NFIC: variants seen among roughly 807,000 people sequenced by gnomAD.
NFIC encodes nuclear factor 1 C-type.
A neutral mutation model predicts 54.4 loss-of-function variants in NFIC; 12 were observed. That is an observed-to-expected ratio of 0.22 (90% CI 0.14 to 0.36). The LOEUF (loss-of-function observed/expected upper bound fraction) is 0.36. Among genes scored for constraint, NFIC ranks in the 10% least tolerant of loss-of-function variants. The pLI is 1.00. For synonymous variants in NFIC, 322 were observed against 319.2 expected (o/e 1.01, Z -0.09); for missense variants, 575 against 718.2 (o/e 0.80, Z 2.28).
Position 3,453,765 on chromosome 19 carries a change from A to G in NFIC, c.1272A>G (p.Leu424=), listed in dbSNP as rs1418894939. 1.9e-6 allele frequency: 3 copies of G among 1,600,798 alleles called. No individual in the cohort carries two copies. The highest frequency in any genetic ancestry group is 1.1e-5 in the South Asian group (1 of 89,284). The stretch of plus-strand genomic sequence containing the variant: ...CACGTGTCTCTCTGTTCCCCCAGTT[A>G]AATGGAAGTGGTCAGCTCAAAATGC... ...CDPASQQPGP[L]NGSGQLKMPS... The change falls in exon 9 of 11, where the codon TTA becomes TTG. Residue 424 remains leucine, a splice_region_variant and synonymous_variant. Coordinates refer to ENST00000443272, the MANE Select transcript of NFIC (RefSeq NM_001245002.2). This position sits in a 1 kb window ranked among gnomAD's most constrained non-coding sequence, Gnocchi z 6.7.
intron 6 of NFIC, among the ~76,000 whole-genome samples, chr19:3,439,720 G>A (rs1436097779): frequency 8.0e-6 from 1 of 125,104 alleles, no homozygotes. Context: ...TCAGAGTCTT[G>A]CTCTGTCGCC....
chr19:3,391,518 C>T (rs2081376618), intron 2 of NFIC, among the ~76,000 whole-genome samples: 3 of 151,898 alleles, frequency 2.0e-5, no homozygotes, highest in Non-Finnish European at 4.4e-5. Flanking sequence ...AGTCGTAGGC[C>T]AGGCGCGGTG....
At chr19:3,391,805 A>T (rs1418115371) in intron 2 of NFIC, among the ~76,000 whole-genome samples, 1 of 152,190 alleles carries the variant, frequency 6.6e-6, no homozygotes. Flanking sequence ...TCAAAAAAAA[A>T]TGTTATATAT....
intron 1 of NFIC, among the ~76,000 whole-genome samples, chr19:3,379,910 G>A (rs1168410914): frequency 2.0e-5 from 3 of 151,776 alleles, no homozygotes; most frequent in Non-Finnish European, 2.9e-5. Flanking sequence ...TTGAACTCCT[G>A]GGCTCAAGCA....
In NFIC at chr19:3,453,675, C is replaced by T. The variant is rs1274767679; in HGVS notation, c.1270-88C>T. 2 of 1,492,092 alleles carry T rather than the reference C, an allele frequency of 1.3e-6. No individual in the cohort carries two copies. The highest frequency in any genetic ancestry group is 2.7e-5 in the East Asian group (1 of 37,302). The allele number at this position is 1,492,092 out of a possible 1,614,324, so 92.4% of individuals were successfully genotyped here. ...CCCCAGCCTGCCACCCCGTCCGGGC[C>T]GTGCACAGAGCCGGGGGCGGCCGGC... On this transcript the variant is annotated intron_variant, in intron 8 of 10. Transcript: ENST00000443272. The surrounding 1 kb of genome is among the most constrained non-coding windows in gnomAD (Gnocchi z 6.7).
At position 3,369,114 on chromosome 19, in the gene NFIC, T is replaced by C. The variant is rs1403394230; in HGVS notation, c.30+2448T>C. On this transcript the variant is annotated intron_variant, in intron 1 of 10. Transcript: ENST00000443272. The surrounding 1 kb of genome is among the most constrained non-coding windows in gnomAD (Gnocchi z 4.3). ...TCTATCTCACCATCCCTTTCTCCTC[T>C]TTGTCTCTGCATGTCTCTTTGATGT... 3.9e-5 allele frequency among the ~76,000 whole-genome samples: 6 copies of C among 151,982 alleles called. No homozygotes were observed.
chr19:3,409,560 C>T (rs539501921), intron 2 of NFIC, among the ~76,000 whole-genome samples: 2 of 152,276 alleles, frequency 1.3e-5, no homozygotes, highest in Admixed American at 1.3e-4. Context: ...TCCGTGAGTG[C>T]CGGGTGTGCG....
chr19:3,380,161 C>T (rs527857708), intron 1 of NFIC, among the ~76,000 whole-genome samples: 23 of 148,342 alleles, frequency 1.6e-4, no homozygotes, highest in East Asian at 6.1e-4. Flanking sequence ...ACACCACGCC[C>T]GGCTAATTTT....
At chr19:3,385,282 C>T (rs1009451896) in intron 2 of NFIC, among the ~76,000 whole-genome samples, 1 of 151,842 alleles carries the variant, frequency 6.6e-6, no homozygotes, top group East Asian at 1.9e-4. Context: ...GACTCCAACC[C>T]CAGCTCAGCT....
intron 6 of NFIC, among the ~76,000 whole-genome samples, chr19:3,445,159 G>A (rs2082356088): frequency 6.8e-6 from 1 of 148,124 alleles, no homozygotes; most frequent in African/African-American, 2.6e-5. Flanking sequence ...ATGCGTGCAG[G>A]CATACACACA....
chr19:3,464,547 C>A lies in NFIC; in HGVS notation c.*1778C>A. On this transcript the variant is annotated 3_prime_UTR_variant, in exon 11 of 11. Transcript: ENST00000443272. ...CCCGGCCCACCCAGCCCAGCCCCAACTGACCTCCATGCCTAGGGAAAAACT... is the reference window on the plus strand; with the variant it reads ...CCCGGCCCACCCAGCCCAGCCCCAAATGACCTCCATGCCTAGGGAAAAACT... The A allele has an allele frequency of 1.1e-6, 1 of 951,616 alleles. No homozygotes were observed. 58.9% of individuals were successfully genotyped at this position (951,616 alleles called of 1,614,324 possible).
Position 3,416,047 on chromosome 19 carries a change from C to T in NFIC, c.563-9059C>T, listed in dbSNP as rs187411821. 2.6e-4 allele frequency among the ~76,000 whole-genome samples: 39 copies of T among 151,602 alleles called. 1 individual carries two copies. In the East Asian group the frequency reaches 6.2e-3, roughly 24 times the overall value. On this transcript the variant is annotated intron_variant, in intron 2 of 10. Coordinates refer to ENST00000443272, the MANE Select transcript of NFIC (RefSeq NM_001245002.2). ...ATGTAGGGCCACAAGCCTGTAGCCC[C>T]GGCTACTTGGGAAAAGAAGGCAAGA...
chr19:3,360,736 C>G (rs567810189), intron 1 of NFIC, among the ~76,000 whole-genome samples: 1 of 152,222 alleles, frequency 6.6e-6, no homozygotes, highest in Non-Finnish European at 1.5e-5. Context: ...CGACTGTGCG[C>G]GCGTCCCTGC....
rs556550174 is a variant in NFIC at position 3,425,348 on chromosome 19, G to A, written c.634+171G>A. On this transcript the variant is annotated intron_variant, in intron 3 of 10. Coordinates refer to ENST00000443272, the MANE Select transcript of NFIC (RefSeq NM_001245002.2). ...ACCAGGGAGCTGGGTTGGAACCCAC[G>A]ACTCTGAGCTCCCAGCTTCTGGGCT... Among the ~76,000 whole-genome samples, 16 of 152,354 alleles carry A rather than the reference G, an allele frequency of 1.1e-4. No homozygotes were observed. The South Asian group carries it at 2.7e-3, about 26-fold the overall frequency.
intron 6 of NFIC, among the ~76,000 whole-genome samples, chr19:3,441,208 G>A (rs536141189): frequency 3.9e-5 from 6 of 152,328 alleles, no homozygotes; most frequent in African/African-American, 1.2e-4. Context: ...AAACCCTGAG[G>A]CTCAAAGAGG....
In NFIC at chr19:3,434,321, C is replaced by T; in HGVS notation, c.754C>T (p.Leu252=). The T allele has an allele frequency of 1.9e-6, 3 of 1,613,342 alleles. No homozygotes were observed. Among genetic ancestry groups the T allele is most frequent in the Non-Finnish European group, 2.5e-6 (3 of 1,179,928 alleles). ...GTGPNFSLGE[L]QGHLAYDLNP... is the part of the protein sequence containing the mutation. ...AGGACCCAACTTCTCCCTGGGGGAG[C>T]TGCAGGGGCACCTGGCATACGACCT... is the stretch of plus-strand genomic sequence containing the variant. Residue 252 remains leucine, a synonymous_variant, in exon 5 of 11, where the codon CTG becomes TTG. Coordinates refer to ENST00000443272, the MANE Select transcript of NFIC (RefSeq NM_001245002.2).
intron 6 of NFIC, among the ~76,000 whole-genome samples, chr19:3,444,758 G>A (rs113994826): frequency 6.6e-6 from 1 of 152,122 alleles, no homozygotes; most frequent in Non-Finnish European, 1.5e-5. Context: ...CCCTAACCTC[G>A]TTCCCGCCGT....
chr19:3,454,192 G>A (rs1156407510), intron 9 of NFIC: 1 of 1,246,206 alleles, frequency 8.0e-7, no homozygotes, highest in Non-Finnish European at 1.0e-6. Flanking sequence ...GCCCGCCGTG[G>A]GCCGTCAGAA....
intron 2 of NFIC, among the ~76,000 whole-genome samples, chr19:3,423,012 C>A (rs1489493944): frequency 3.0e-5 from 1 of 33,122 alleles, no homozygotes; most frequent in Non-Finnish European, 7.5e-5. Flanking sequence ...GCCTGACCAA[C>A]ATGGTGAAAC....
Sources: allele counts gnomAD v4.1 joint callset (sites outside exome capture counted in the v4.1 genomes callset), GRCh38; gene constraint gnomAD v4.1.1; non-coding constraint Gnocchi (gnomAD v3.1); transcripts MANE v1.5; gene names NCBI Gene and HGNC (gene_info 2026-07-23, HGNC 2026-07-21).